The following NELL1 variants were observed in gnomAD, a reference collection of about 807,000 sequenced individuals.
The protein encoded by NELL1 is neural EGFL like 1, also known as protein kinase C-binding protein NELL1.
Under a neutral mutation model 107.4 loss-of-function variants are expected in NELL1, and 76 were observed. That is an observed-to-expected ratio of 0.71 (90% CI 0.59 to 0.86). The LOEUF (loss-of-function observed/expected upper bound fraction) is 0.86, where lower values mean the gene tolerates loss of function less well. NELL1 is among the 40% of genes least tolerant of loss of function. The pLI, the probability that NELL1 is intolerant of heterozygous loss-of-function variation, is 0.00. For missense variants in NELL1, 1,024 were observed against 1,005.5 expected (o/e 1.02, Z -0.25); for synonymous variants, 353 against 341.2 (o/e 1.03, Z -0.38).
intron 15 of NELL1, among the ~76,000 whole-genome samples, chr11:21,388,253 T>A (rs1335823362): frequency 6.6e-6 from 1 of 151,796 alleles, no homozygotes; most frequent in Non-Finnish European, 1.5e-5. Context: ...GGGGTCACAA[T>A]ATGCCTTTTT....
chr11:20,706,947 C>A (rs1014352638), intron 2 of NELL1, among the ~76,000 whole-genome samples: 1 of 152,220 alleles, frequency 6.6e-6, no homozygotes, highest in Non-Finnish European at 1.5e-5. Context: ...TGGGGAAGTT[C>A]TCCTGAAGAG....
chr11:21,088,059 CTGTGTGTGTG>C lies in NELL1; in HGVS notation c.1301-25492_1301-25483del, dbSNP rs56900585. ...TTGTTTTCTGTGAGTCCCAGTAGCT[CTGTGTGTGTG>C]TGTGTGTGTGTGTGTGTGTGTGTGT... On this transcript the variant is annotated intron_variant, in intron 12 of 19. Transcript: ENST00000357134. Among the ~76,000 whole-genome samples, 772 of 136,064 alleles carry C rather than the reference CTGTGTGTGTG, an allele frequency of 5.7e-3. 3 individuals are homozygous for C. Among genetic ancestry groups the C allele is most frequent in the African/African-American group, 8.4e-3 (306 of 36,294 alleles). The allele number at this position is 136,064 out of a possible 152,430, so 89.3% of individuals were successfully genotyped here.
At position 21,230,613 on chromosome 11, in the gene NELL1, CATA is replaced by C. The variant is rs1316790483; in HGVS notation, c.1549+1160_1549+1162del. Among the ~76,000 whole-genome samples, 4 of 152,154 alleles carry C rather than the reference CATA, an allele frequency of 2.6e-5. No homozygotes were observed. In the East Asian group the frequency reaches 7.7e-4, roughly 29 times the overall value. On this transcript the variant is annotated intron_variant, in intron 14 of 19. Transcript: ENST00000357134. ...AGGTTAAATAACTTGCCCAAAGATACATAGTAAACACATTGTCAGTATTCCTCT... is the reference window on the plus strand; with the variant it reads ...AGGTTAAATAACTTGCCCAAAGATACGTAAACACATTGTCAGTATTCCTCT...
intron 12 of NELL1, among the ~76,000 whole-genome samples, chr11:21,090,616 C>T (rs1477066937): frequency 4.6e-5 from 7 of 152,080 alleles, no homozygotes; most frequent in East Asian, 1.9e-4. Context: ...GAGAACAATG[C>T]CATAAATGCA....
chr11:20,961,200 G>A lies in NELL1; in HGVS notation c.1300+640G>A, dbSNP rs138874527. ...AACTCCTCCGTCTTAAGAGAGCACC[G>A]TTTTTTCAGGCTTAGTACTGCAACC... On this transcript the variant is annotated intron_variant, in intron 12 of 19. Transcript: ENST00000357134. Among the ~76,000 whole-genome samples, 193 of 152,196 alleles carry A rather than the reference G, an allele frequency of 1.3e-3. 2 individuals are homozygous for A. The East Asian group carries it at 0.021, about 17-fold the overall frequency.
chr11:21,324,438 T>C (rs1023627104), intron 14 of NELL1, among the ~76,000 whole-genome samples: 1 of 152,140 alleles, frequency 6.6e-6, no homozygotes, highest in Non-Finnish European at 1.5e-5. Context: ...CTGTTGATTT[T>C]CCTCAAGAGA....
At chr11:20,863,222 A>G (rs10833401) in intron 4 of NELL1, among the ~76,000 whole-genome samples, 89,067 of 143,636 alleles carry the variant, frequency 0.62, 29,589 homozygotes, top group Non-Finnish European at 0.75. Flanking sequence ...GCAGCCGGGC[A>G]GAGGCGCCCC....
chr11:21,520,717 C>A (rs1385502932), intron 15 of NELL1, among the ~76,000 whole-genome samples: 7 of 152,086 alleles, frequency 4.6e-5, no homozygotes, highest in African/African-American at 1.7e-4. Context: ...TGCATCAGCA[C>A]CCGCTTAAGA....
chr11:21,201,008 G>C (rs1857257386), intron 13 of NELL1, among the ~76,000 whole-genome samples: 1 of 152,182 alleles, frequency 6.6e-6, no homozygotes, highest in South Asian at 2.1e-4. Flanking sequence ...TTTGGTACCA[G>C]TACCATGCTG....
intron 10 of NELL1, among the ~76,000 whole-genome samples, chr11:20,944,252 G>T (rs540946038): frequency 1.9e-4 from 29 of 152,072 alleles, no homozygotes; most frequent in Non-Finnish European, 3.8e-4. Flanking sequence ...TCATTTTAAA[G>T]CTTCAGCAAC....
chr11:21,195,686 C>T (rs908099413), intron 13 of NELL1, among the ~76,000 whole-genome samples: 7 of 151,234 alleles, frequency 4.6e-5, no homozygotes, highest in African/African-American at 1.7e-4. Flanking sequence ...AGATATTTTA[C>T]ATTCTTCTTT....
chr11:21,399,173 G>A (rs1852042793), intron 15 of NELL1, among the ~76,000 whole-genome samples: 1 of 151,748 alleles, frequency 6.6e-6, no homozygotes, highest in Non-Finnish European at 1.5e-5. Flanking sequence ...ATATGGTAAT[G>A]GAATATAAAA....
intron 2 of NELL1, among the ~76,000 whole-genome samples, chr11:20,764,251 A>G (rs944836470): frequency 6.6e-6 from 1 of 152,222 alleles, no homozygotes; most frequent in Admixed American, 6.5e-5. Flanking sequence ...ATTTTGCCTT[A>G]TAGGCAATTG....
chr11:21,117,530 G>A (rs537456411), intron 13 of NELL1, among the ~76,000 whole-genome samples: 1 of 152,020 alleles, frequency 6.6e-6, no homozygotes, highest in South Asian at 2.1e-4. Context: ...CGTACCCACA[G>A]GTTATAGTGA....
intron 15 of NELL1, among the ~76,000 whole-genome samples, chr11:21,505,896 G>C (rs946624144): frequency 6.6e-6 from 1 of 152,010 alleles, no homozygotes; most frequent in Non-Finnish European, 1.5e-5. Flanking sequence ...ATTTATAGGA[G>C]CCTCTCACTA....
chr11:21,204,458 A>T (rs1199673316), intron 13 of NELL1, among the ~76,000 whole-genome samples: 1 of 151,746 alleles, frequency 6.6e-6, no homozygotes, highest in African/African-American at 2.4e-5. Flanking sequence ...TTTCAGCTCC[A>T]TCAGGTCATT....
chr11:20,819,814 G>A (rs1278474136), intron 3 of NELL1, among the ~76,000 whole-genome samples: 1 of 152,148 alleles, frequency 6.6e-6, no homozygotes, highest in Non-Finnish European at 1.5e-5. Flanking sequence ...TTGAAATATG[G>A]TAAGTACAGC....
intron 13 of NELL1, among the ~76,000 whole-genome samples, chr11:21,228,316 G>A (rs908085969): frequency 6.6e-6 from 1 of 152,178 alleles, no homozygotes. Flanking sequence ...TCTAGGGTTA[G>A]ATCGGTTTCC....
intron 3 of NELL1, among the ~76,000 whole-genome samples, chr11:20,786,491 G>T (rs944089783): frequency 2.0e-5 from 3 of 152,076 alleles, no homozygotes; most frequent in Non-Finnish European, 2.9e-5. Flanking sequence ...AAGTATATTA[G>T]CAGTAGAAAT....
Sources: allele counts gnomAD v4.1 joint callset (sites outside exome capture counted in the v4.1 genomes callset), GRCh38; gene constraint gnomAD v4.1.1; transcripts MANE v1.5; gene names NCBI Gene and HGNC (gene_info 2026-07-23, HGNC 2026-07-21).